The following ZNF385D variants were observed in gnomAD, a reference collection of about 807,000 sequenced individuals.
ZNF385D encodes zinc finger protein 659.
In ZNF385D, 15 loss-of-function variants were observed where a neutral mutation model predicts 35.8. The observed-to-expected ratio is 0.42, with a 90% CI of 0.28 to 0.64. The LOEUF (loss-of-function observed/expected upper bound fraction) is 0.64. ZNF385D is among the 30% of genes least tolerant of loss of function. ZNF385D has a pLI of 0.23. For missense variants in ZNF385D, 474 were observed against 494.6 expected (o/e 0.96, Z 0.39); for synonymous variants, 212 against 186.8 (o/e 1.13, Z -1.10).
intron 2 of ZNF385D, among the ~76,000 whole-genome samples, chr3:21,595,585 G>C (rs997905501): frequency 1.3e-5 from 2 of 151,746 alleles, no homozygotes; most frequent in African/African-American, 4.8e-5. Flanking sequence ...TTGAATACCA[G>C]ACCATCTCTA....
At chr3:21,811,281 A>G (rs1216574651) in intron 3 of ZNF385D, among the ~76,000 whole-genome samples, 2 of 152,156 alleles carry the variant, frequency 1.3e-5, no homozygotes, top group Non-Finnish European at 2.9e-5. Context: ...GTGGTATTTA[A>G]ATAACATTTC....
At chr3:22,106,098 G>T (rs1414013835) in intron 3 of ZNF385D, among the ~76,000 whole-genome samples, 1 of 152,094 alleles carries the variant, frequency 6.6e-6, no homozygotes, top group Non-Finnish European at 1.5e-5. Flanking sequence ...TTCAGCAAGA[G>T]AAATTCTGAT....
At chr3:21,940,874 G>A (rs1701483835) in intron 3 of ZNF385D, among the ~76,000 whole-genome samples, 1 of 152,054 alleles carries the variant, frequency 6.6e-6, no homozygotes, top group South Asian at 2.1e-4. Flanking sequence ...TGCAAAAATA[G>A]TACCAACTTT....
chr3:21,861,473 T>C lies in ZNF385D; in HGVS notation c.326-196445A>G, dbSNP rs536201754. On this transcript the variant is annotated intron_variant, in intron 3 of 5. Transcript: ENST00000494108. ...GGTAAGCTCTCTCTTGTGTGAGGAG[T>C]GCAAATTTAGATAAATACAATTAAT... Among the ~76,000 whole-genome samples, 4 of 152,136 alleles carry C rather than the reference T, an allele frequency of 2.6e-5. No homozygotes were observed. The South Asian group carries it at 8.3e-4, about 32-fold the overall frequency.
At chr3:22,215,954 G>C (rs1446835186) in intron 2 of ZNF385D, among the ~76,000 whole-genome samples, 1 of 151,944 alleles carries the variant, frequency 6.6e-6, no homozygotes, top group Admixed American at 6.6e-5. Context: ...GAAATATCGG[G>C]GGTGAATTTC....
intron 1 of ZNF385D, among the ~76,000 whole-genome samples, chr3:21,719,919 C>G (rs969355043): frequency 6.6e-6 from 1 of 152,216 alleles, no homozygotes; most frequent in Non-Finnish European, 1.5e-5. Flanking sequence ...AACTCTCTCT[C>G]TCATAACTAG....
At chr3:22,221,865 A>G (rs1698275680) in intron 2 of ZNF385D, among the ~76,000 whole-genome samples, 1 of 152,212 alleles carries the variant, frequency 6.6e-6, no homozygotes, top group African/African-American at 2.4e-5. Context: ...CATAAAAGAA[A>G]TATTTCTATG....
intron 2 of ZNF385D, among the ~76,000 whole-genome samples, chr3:22,200,598 A>C (rs1191153308): frequency 6.6e-6 from 1 of 152,088 alleles, no homozygotes; most frequent in East Asian, 1.9e-4. Flanking sequence ...TCTTATCAGG[A>C]GACAGGGTTT....
chr3:21,873,019 C>G (rs1406701617), intron 3 of ZNF385D, among the ~76,000 whole-genome samples: 1 of 152,098 alleles, frequency 6.6e-6, no homozygotes. Context: ...ATACCCAGAT[C>G]AAGTCAAGGT....
chr3:21,922,449 C>A, intron 3 of ZNF385D, among the ~76,000 whole-genome samples: 1 of 152,050 alleles, frequency 6.6e-6, no homozygotes, highest in South Asian at 2.1e-4. Flanking sequence ...ATACATATAC[C>A]AATGGAACAG....
intron 2 of ZNF385D, among the ~76,000 whole-genome samples, chr3:22,292,581 A>G (rs1185843019): frequency 6.6e-6 from 1 of 152,098 alleles, no homozygotes; most frequent in African/African-American, 2.4e-5. Context: ...TCAAAATGAA[A>G]TAATTGGAAT....
chr3:21,785,316 GA>G (rs2071645718), intron 3 of ZNF385D, among the ~76,000 whole-genome samples: 1 of 152,024 alleles, frequency 6.6e-6, no homozygotes, highest in Non-Finnish European at 1.5e-5. Flanking sequence ...TGCACATTGA[GA>G]AATAATCACA....
intron 1 of ZNF385D, among the ~76,000 whole-genome samples, chr3:21,696,996 A>T (rs1361767868): frequency 1.3e-5 from 2 of 152,226 alleles, no homozygotes; most frequent in Non-Finnish European, 2.9e-5. Flanking sequence ...CAGTTTATAT[A>T]TCATTCTCAT....
At chr3:22,200,891 T>A (rs1559448020) in intron 2 of ZNF385D, among the ~76,000 whole-genome samples, 1 of 151,892 alleles carries the variant, frequency 6.6e-6, no homozygotes, top group Non-Finnish European at 1.5e-5. Flanking sequence ...GCGGTCAGAG[T>A]GTAAGGTTAT....
intron 3 of ZNF385D, among the ~76,000 whole-genome samples, chr3:22,113,432 A>G (rs1347880452): frequency 6.6e-6 from 1 of 152,124 alleles, no homozygotes; most frequent in Non-Finnish European, 1.5e-5. Flanking sequence ...GCAATGAATT[A>G]TCAGAACTAT....
chr3:21,898,970 C>G (rs1295907885), intron 3 of ZNF385D, among the ~76,000 whole-genome samples: 1 of 152,086 alleles, frequency 6.6e-6, no homozygotes, highest in East Asian at 1.9e-4. Flanking sequence ...ATGCCATTTT[C>G]CCCATTACAA....
chr3:21,886,250 G>C (rs1437162991), intron 3 of ZNF385D, among the ~76,000 whole-genome samples: 1 of 151,994 alleles, frequency 6.6e-6, no homozygotes, highest in African/African-American at 2.4e-5. Flanking sequence ...AGTTAAGCCT[G>C]GATGATGGAA....
At chr3:22,200,355 A>C (rs953607937) in intron 2 of ZNF385D, among the ~76,000 whole-genome samples, 4 of 152,036 alleles carry the variant, frequency 2.6e-5, no homozygotes, top group Non-Finnish European at 4.4e-5. Flanking sequence ...GAGACATCAC[A>C]TGTCGGTAGG....
chr3:21,744,092 T>C (rs1014189716), intron 1 of ZNF385D, among the ~76,000 whole-genome samples: 1 of 152,136 alleles, frequency 6.6e-6, no homozygotes, highest in Non-Finnish European at 1.5e-5. Context: ...AGTATTGACA[T>C]AGAGTCTACA....
Sources: gnomAD v4.1 joint callset for allele counts (sites outside exome capture counted in the v4.1 genomes callset) on GRCh38, gnomAD v4.1.1 for gene constraint, MANE v1.5 for transcripts, NCBI Gene and HGNC (gene_info 2026-07-23, HGNC 2026-07-21) for gene names.